The following DIP2B variants were observed in gnomAD, a reference collection of about 807,000 sequenced individuals.
DIP2B encodes the protein DIP2 acetate--CoA ligase B (putative), also known as disco-interacting protein 2 homolog B.
A neutral mutation model predicts 198.0 loss-of-function variants in DIP2B; 76 were observed. That is an observed-to-expected ratio of 0.38 (90% confidence interval 0.32 to 0.46). The LOEUF (loss-of-function observed/expected upper bound fraction) is 0.46. Among genes scored for constraint, DIP2B ranks in the 20% least tolerant of loss-of-function variants. DIP2B has a pLI of 0.99. For synonymous variants in DIP2B, 701 were observed against 739.1 expected (o/e 0.95, Z 0.84); for missense variants, 1,559 against 1,978.4 (o/e 0.79, Z 4.02).
intron 1 of DIP2B, among the ~76,000 whole-genome samples, chr12:50,552,376 C>T (rs1341999241): frequency 6.6e-6 from 1 of 151,656 alleles, no homozygotes. Context: ...ATGCCATTCT[C>T]CTGCCTCAGC....
intron 1 of DIP2B, among the ~76,000 whole-genome samples, chr12:50,512,600 C>A: frequency 6.6e-6 from 1 of 152,182 alleles, no homozygotes; most frequent in Non-Finnish European, 1.5e-5. Flanking sequence ...TTGAGAAGCA[C>A]ATATTTTGAC....
intron 28 of DIP2B, among the ~76,000 whole-genome samples, 175 bp downstream of exon 28, chr12:50,725,061 A>C (rs1187610451): frequency 6.6e-6 from 1 of 152,228 alleles, no homozygotes; most frequent in Non-Finnish European, 1.5e-5. Context: ...CAGCAGATGC[A>C]AAGAGCCAGA....
chr12:50,650,493 A>G (rs1039465981), intron 3 of DIP2B, among the ~76,000 whole-genome samples: 3 of 152,156 alleles, frequency 2.0e-5, no homozygotes, highest in Non-Finnish European at 4.4e-5. Context: ...CTCAGCCTCC[A>G]GCAACCACCA....
chr12:50,738,384 A>G (rs1241493519), intron 35 of DIP2B, among the ~76,000 whole-genome samples: 10 of 151,984 alleles, frequency 6.6e-5, no homozygotes, highest in African/African-American at 1.9e-4. Flanking sequence ...TGTAATCCCA[A>G]CACTTTGGGA....
intron 20 of DIP2B, among the ~76,000 whole-genome samples, chr12:50,706,118 C>T (rs1025654467): frequency 2.0e-5 from 3 of 152,182 alleles, no homozygotes; most frequent in African/African-American, 4.8e-5. Flanking sequence ...GACGGTCATT[C>T]TCCTATTTAT....
chr12:50,629,947 A>ATTT (rs544878687), intron 2 of DIP2B, among the ~76,000 whole-genome samples: 4 of 127,192 alleles, frequency 3.1e-5, no homozygotes, highest in Admixed American at 8.1e-5. Flanking sequence ...GGTAAATTTA[A>ATTT]TTTTTTTTTT....
At chr12:50,681,207 G>C (rs1939034374) in intron 9 of DIP2B, among the ~76,000 whole-genome samples, 3 of 152,112 alleles carry the variant, frequency 2.0e-5, no homozygotes, top group Admixed American at 2.0e-4. Flanking sequence ...GAGGCGGGAG[G>C]ATCACTTGAA....
intron 1 of DIP2B, among the ~76,000 whole-genome samples, chr12:50,605,753 A>G (rs925720079): frequency 6.6e-6 from 1 of 152,130 alleles, no homozygotes; most frequent in Non-Finnish European, 1.5e-5. Flanking sequence ...AGGTTCAGTC[A>G]TGTTGCAGCA....
intron 3 of DIP2B, among the ~76,000 whole-genome samples, chr12:50,658,343 G>T (rs1252998804): frequency 1.3e-5 from 2 of 152,036 alleles, no homozygotes; most frequent in East Asian, 3.9e-4. Flanking sequence ...TACCATGTTG[G>T]CCAGGCTGGT....
intron 1 of DIP2B, among the ~76,000 whole-genome samples, chr12:50,564,882 C>T (rs58675987): frequency 0.013 from 2,030 of 152,230 alleles, 51 homozygotes; most frequent in African/African-American, 0.046. Flanking sequence ...TTTCATAAGT[C>T]AGCATTTCCC....
At chr12:50,523,818 C>G (rs1041353907) in intron 1 of DIP2B, among the ~76,000 whole-genome samples, 5 of 152,242 alleles carry the variant, frequency 3.3e-5, no homozygotes, top group African/African-American at 9.6e-5. Flanking sequence ...CCAATTTCCT[C>G]AAATTATAAA....
intron 37 of DIP2B, among the ~76,000 whole-genome samples, chr12:50,743,901 C>G (rs1053381349): frequency 2.0e-5 from 3 of 152,196 alleles, no homozygotes; most frequent in African/African-American, 7.2e-5. Flanking sequence ...TGGGCATTCC[C>G]TTCTTTCTTT....
chr12:50,665,878 T>C (rs1258234704), intron 4 of DIP2B, among the ~76,000 whole-genome samples: 1 of 152,230 alleles, frequency 6.6e-6, no homozygotes, highest in East Asian at 1.9e-4. Flanking sequence ...TGTTGTCTTC[T>C]GAATGGTTAT....
At chr12:50,681,427 C>T (rs11169521) in intron 9 of DIP2B, among the ~76,000 whole-genome samples, 1 of 151,578 alleles carries the variant, frequency 6.6e-6, no homozygotes, top group African/African-American at 2.4e-5. Context: ...GAGTGAGACC[C>T]TAACAACAAC....
chr12:50,663,472 C>T (rs1001161921), intron 4 of DIP2B, among the ~76,000 whole-genome samples: 1 of 152,018 alleles, frequency 6.6e-6, no homozygotes, highest in Non-Finnish European at 1.5e-5. Flanking sequence ...AGGAGAATGG[C>T]GTGAACCTGG....
chr12:50,704,069 A>G, intron 19 of DIP2B, 71 bp from the exon 20 acceptor site: 1 of 1,378,034 alleles, frequency 7.3e-7, no homozygotes, highest in African/African-American at 1.5e-5. Flanking sequence ...ATTTTAATAA[A>G]ACTTTTTAAA....
chr12:50,548,231 G>C (rs1958394212), intron 1 of DIP2B, among the ~76,000 whole-genome samples: 1 of 152,024 alleles, frequency 6.6e-6, no homozygotes, highest in South Asian at 2.1e-4. Flanking sequence ...AATTATGAGT[G>C]ATACTTTTTT....
chr12:50,533,032 C>T (rs2139365526), intron 1 of DIP2B, among the ~76,000 whole-genome samples: 1 of 152,288 alleles, frequency 6.6e-6, no homozygotes, highest in African/African-American at 2.4e-5. Context: ...GGTTTGTGTG[C>T]TTAACAGCAA....
In DIP2B at chr12:50,596,324, T is replaced by G. The variant is rs4132430; in HGVS notation, c.101-29652T>G. ...ACTGTATGAGTTTGGTTGTCTCTCT[T>G]GCATGGTGGTAAAAACAGATTAACA... On this transcript the variant is annotated intron_variant, in intron 1 of 37. Transcript: ENST00000301180. Among the ~76,000 whole-genome samples, 1,456 of 152,346 alleles carry G rather than the reference T, an allele frequency of 9.6e-3. 16 individuals carry two copies. The highest frequency in any genetic ancestry group is 0.017 in the Admixed American group (255 of 15,302).
Sources: gnomAD v4.1 joint callset for allele counts (sites outside exome capture counted in the v4.1 genomes callset) on GRCh38, gnomAD v4.1.1 for gene constraint, MANE v1.5 for transcripts, NCBI Gene and HGNC (gene_info 2026-07-23, HGNC 2026-07-21) for gene names.